Variants in MBNL2 observed in about 807,000 individuals in gnomAD.
MBNL2 encodes muscleblind like splicing regulator 2.
A neutral mutation model predicts 41.9 loss-of-function variants in MBNL2; 17 were observed. The ratio of observed to expected loss-of-function variants is 0.41; its 90% CI spans 0.28 to 0.61. The LOEUF (loss-of-function observed/expected upper bound fraction) is 0.61. Ranked by LOEUF, MBNL2 falls within the 20% of genes least tolerant of loss-of-function variation. MBNL2 has a pLI of 0.35. For synonymous variants in MBNL2, 195 were observed against 182.9 expected (o/e 1.07, Z -0.53); for missense variants, 336 against 505.6 (o/e 0.66, Z 3.22).
upstream of MBNL2, chr13:97,222,155 T>C (rs936589615): frequency 2.9e-5 from 10 of 344,422 alleles, no homozygotes; most frequent in Admixed American, 4.3e-4. Context: ...GGGAAATTCC[T>C]CTTTCATCAG....
At chr13:97,181,834 T>C in the MBNL2 span, among the ~76,000 whole-genome samples, 2 of 152,234 alleles carry the variant, frequency 1.3e-5, no homozygotes, top group Non-Finnish European at 2.9e-5. Context: ...CTTATGGTTA[T>C]GTCCAATGAG....
intron 2 of MBNL2, among the ~76,000 whole-genome samples, chr13:97,333,160 C>T (rs993029216): frequency 2.6e-5 from 4 of 152,152 alleles, no homozygotes; most frequent in Admixed American, 2.6e-4. Context: ...GTAAACAAAT[C>T]AATACTCTCT....
chr13:97,375,990 GC>G (rs1343841666), intron 8 of MBNL2, among the ~76,000 whole-genome samples: 1 of 152,078 alleles, frequency 6.6e-6, no homozygotes. Flanking sequence ...GTTATGGAGG[GC>G]CTTAAAGTGC....
the MBNL2 span, among the ~76,000 whole-genome samples, chr13:97,198,967 C>T: frequency 6.6e-6 from 1 of 152,122 alleles, no homozygotes; most frequent in Non-Finnish European, 1.5e-5. Flanking sequence ...GCTCAAAACC[C>T]TCCAGTGGCG....
upstream of MBNL2, among the ~76,000 whole-genome samples, chr13:97,217,135 CATATT>C (rs1019248042): frequency 4.9e-4 from 73 of 148,672 alleles, no homozygotes; most frequent in Admixed American, 6.1e-4. Flanking sequence ...ATATAGTACA[CATATT>C]ATATATAATA....
intron 2 of MBNL2, among the ~76,000 whole-genome samples, chr13:97,304,136 C>A (rs1022791184): frequency 6.6e-6 from 1 of 152,156 alleles, no homozygotes; most frequent in South Asian, 2.1e-4. Flanking sequence ...AGGCTCCAAC[C>A]CATGGCTATT....
intron 1 of MBNL2, among the ~76,000 whole-genome samples, chr13:97,249,055 A>G (rs1323764372): frequency 1.3e-5 from 2 of 152,250 alleles, no homozygotes; most frequent in Admixed American, 1.3e-4. Flanking sequence ...ATATTAAACT[A>G]TATTTTACCT....
chr13:97,351,737 G>C (rs944012243), intron 5 of MBNL2, among the ~76,000 whole-genome samples: 4 of 152,118 alleles, frequency 2.6e-5, no homozygotes, highest in African/African-American at 9.7e-5. Context: ...TCTAAATTAG[G>C]TTTTCGGCCA....
chr13:97,365,408 G>A (rs1001086883), intron 8 of MBNL2, among the ~76,000 whole-genome samples: 9 of 152,142 alleles, frequency 5.9e-5, no homozygotes. Flanking sequence ...CCACAAGTAC[G>A]AGTCTGCTTT....
At chr13:97,291,649 A>C (rs12862810) in intron 2 of MBNL2, among the ~76,000 whole-genome samples, 97,979 of 151,112 alleles carry the variant, frequency 0.65, 31,964 homozygotes, top group East Asian at 0.7. Context: ...AATCCCAGCA[A>C]TTTGGGAAGC....
intron 1 of MBNL2, among the ~76,000 whole-genome samples, chr13:97,267,535 G>A (rs1040128262): frequency 4.6e-5 from 7 of 152,136 alleles, no homozygotes. Flanking sequence ...ACGCCTTCTG[G>A]AGAGGATGGG....
At chr13:97,144,779 G>C in the MBNL2 span, among the ~76,000 whole-genome samples, 2 of 152,244 alleles carry the variant, frequency 1.3e-5, no homozygotes, top group Non-Finnish European at 2.9e-5. Flanking sequence ...CCACATGACG[G>C]CGGAGGATGA....
intron 2 of MBNL2, among the ~76,000 whole-genome samples, chr13:97,303,091 C>T (rs2057790129): frequency 6.6e-6 from 1 of 152,166 alleles, no homozygotes; most frequent in South Asian, 2.1e-4. Context: ...TATGTGGCTT[C>T]AAGCTTCAAC....
chr13:97,193,433 A>G, the MBNL2 span, among the ~76,000 whole-genome samples: 1 of 152,210 alleles, frequency 6.6e-6, no homozygotes, highest in Admixed American at 6.5e-5. Context: ...CACTGAGATT[A>G]AAGTTGACAA....
chr13:97,328,742 A>G (rs2060126361), intron 2 of MBNL2, among the ~76,000 whole-genome samples: 1 of 152,208 alleles, frequency 6.6e-6, no homozygotes, highest in Non-Finnish European at 1.5e-5. Flanking sequence ...AACTAATGGG[A>G]TGCAGTTGTC....
At chr13:97,269,599 AG>A (rs776062106) in intron 1 of MBNL2, among the ~76,000 whole-genome samples, 18 of 152,162 alleles carry the variant, frequency 1.2e-4, no homozygotes, top group Admixed American at 7.2e-4. Context: ...CTTCCCACCC[AG>A]GGTGACTGTT....
intron 7 of MBNL2, 36 bp downstream of exon 7, chr13:97,357,671 C>G: frequency 6.2e-7 from 1 of 1,603,552 alleles, no homozygotes; most frequent in Non-Finnish European, 8.5e-7. Flanking sequence ...CTGTGCCCTT[C>G]TGGTCATGTG....
At chr13:97,329,793 T>C (rs967328346) in intron 2 of MBNL2, among the ~76,000 whole-genome samples, 7 of 79,270 alleles carry the variant, frequency 8.8e-5, no homozygotes, top group Admixed American at 8.0e-4. Context: ...ACACAATACA[T>C]ATAATACATA....
intron 8 of MBNL2, among the ~76,000 whole-genome samples, chr13:97,378,235 C>G (rs980472373): frequency 6.9e-6 from 1 of 145,950 alleles, no homozygotes; most frequent in Non-Finnish European, 1.5e-5. Context: ...TTACTATCCC[C>G]AAGCACTTGT....
Sources: allele counts gnomAD v4.1 joint callset (sites outside exome capture counted in the v4.1 genomes callset), GRCh38; gene constraint gnomAD v4.1.1; transcripts MANE v1.5; gene names NCBI Gene and HGNC (gene_info 2026-07-23, HGNC 2026-07-21).